Variants in RPSA2 observed in about 807,000 individuals in gnomAD.
RPSA2 encodes ribosomal protein SA 2, also known as small ribosomal subunit protein uS2B.
At chr19:23,863,973 G>A in the RPSA2 span, among the ~76,000 whole-genome samples, 1 of 152,068 alleles carries the variant, frequency 6.6e-6, no homozygotes, top group East Asian at 1.9e-4. Flanking sequence ...TCTACATCTG[G>A]GGCTGCTTAA....
chr19:23,827,544 G>C, the RPSA2 span: 2 of 1,596,418 alleles, frequency 1.3e-6, no homozygotes, highest in Non-Finnish European at 1.7e-6. Context: ...ACTGACCCCA[G>C]GGCTGACCAC....
the RPSA2 span, among the ~76,000 whole-genome samples, chr19:23,773,089 G>GTATA: frequency 1.2e-3 from 1 of 834 alleles, no homozygotes; most frequent in Admixed American, 0.014. Flanking sequence ...GTATGTGTGT[G>GTATA]TATATATATA....
the RPSA2 span, among the ~76,000 whole-genome samples, chr19:23,766,636 A>G: frequency 6.6e-6 from 1 of 151,382 alleles, no homozygotes; most frequent in African/African-American, 2.4e-5. Flanking sequence ...TTGTATATTT[A>G]GTAGAGACAG....
the RPSA2 span, among the ~76,000 whole-genome samples, chr19:23,862,988 C>T: frequency 4.7e-4 from 71 of 151,372 alleles, no homozygotes; most frequent in African/African-American, 1.6e-3. Flanking sequence ...ACTGCAGCCT[C>T]CACCTCCCAA....
chr19:23,845,894 A>G, the RPSA2 span, among the ~76,000 whole-genome samples: 1 of 152,096 alleles, frequency 6.6e-6, no homozygotes, highest in African/African-American at 2.4e-5. Context: ...TCAATTCATA[A>G]TTTTATTCTA....
chr19:23,842,908 C>G, the RPSA2 span, among the ~76,000 whole-genome samples: 1 of 152,040 alleles, frequency 6.6e-6, no homozygotes. Flanking sequence ...AATGATAATT[C>G]TAGAAATTCA....
the RPSA2 span, among the ~76,000 whole-genome samples, chr19:23,812,511 T>G: frequency 2.0e-5 from 3 of 151,140 alleles, no homozygotes; most frequent in Non-Finnish European, 2.9e-5. Flanking sequence ...TTCTCCTGCC[T>G]CAGCCTCCCA....
the RPSA2 span, chr19:23,832,177 A>T: frequency 7.1e-6 from 3 of 422,972 alleles, no homozygotes; most frequent in South Asian, 5.6e-5. Flanking sequence ...CCAGCCCTCA[A>T]CCCTAACTAG....
chr19:23,842,318 A>G, the RPSA2 span, among the ~76,000 whole-genome samples: 1 of 152,230 alleles, frequency 6.6e-6, no homozygotes, highest in South Asian at 2.1e-4. Context: ...ATGCCGTGTT[A>G]TTCAGAAAAC....
At chr19:23,838,628 T>C in the RPSA2 span, among the ~76,000 whole-genome samples, 1 of 152,164 alleles carries the variant, frequency 6.6e-6, no homozygotes, top group Admixed American at 6.5e-5. Context: ...ATTCTTCCTG[T>C]TTTAAGCTAG....
chr19:23,766,451 A>ATTT, the RPSA2 span, among the ~76,000 whole-genome samples: 75 of 102,706 alleles, frequency 7.3e-4, 1 homozygote, highest in African/African-American at 6.5e-4. Flanking sequence ...TCTCAAGCTA[A>ATTT]TTTTTTTTTT....
At chr19:23,834,721 A>G in the RPSA2 span, among the ~76,000 whole-genome samples, 3 of 152,078 alleles carry the variant, frequency 2.0e-5, no homozygotes, top group African/African-American at 7.2e-5. Flanking sequence ...TACTATCATG[A>G]ATCCATTGAA....
the RPSA2 span, among the ~76,000 whole-genome samples, chr19:23,852,176 C>T: frequency 6.6e-6 from 1 of 152,278 alleles, no homozygotes; most frequent in East Asian, 1.9e-4. Flanking sequence ...CCAATGAAGC[C>T]TCAGGGGTCA....
At chr19:23,764,354 T>C in the RPSA2 span, among the ~76,000 whole-genome samples, 1 of 152,240 alleles carries the variant, frequency 6.6e-6, no homozygotes, top group Non-Finnish European at 1.5e-5. Flanking sequence ...CAACTTCCTC[T>C]CTCCAATTTA....
At chr19:23,843,140 A>C in the RPSA2 span, 13 of 174,302 alleles carry the variant, frequency 7.5e-5, no homozygotes, top group Non-Finnish European at 1.5e-4. Flanking sequence ...GTAACTGGAG[A>C]ATCCCAACAA....
the RPSA2 span, among the ~76,000 whole-genome samples, chr19:23,839,152 T>C: frequency 2.0e-5 from 3 of 152,146 alleles, no homozygotes; most frequent in Non-Finnish European, 4.4e-5. Context: ...TGTCATTAAG[T>C]TGAAGAATTT....
the RPSA2 span, among the ~76,000 whole-genome samples, chr19:23,845,363 G>T: frequency 6.7e-6 from 1 of 150,360 alleles, no homozygotes; most frequent in African/African-American, 2.4e-5. Flanking sequence ...TAACATGTAA[G>T]CTTTCTACTT....
At chr19:23,845,396 A>G in the RPSA2 span, among the ~76,000 whole-genome samples, 8 of 151,898 alleles carry the variant, frequency 5.3e-5, no homozygotes, top group Admixed American at 6.5e-5. Context: ...CATTTAGGCT[A>G]TAAACTGCCC....
the RPSA2 span, among the ~76,000 whole-genome samples, chr19:23,866,753 C>A: frequency 1.3e-5 from 2 of 152,100 alleles, no homozygotes; most frequent in African/African-American, 2.4e-5. Context: ...CCAGGAACAC[C>A]AGGAAGTGCA....
Sources: allele counts gnomAD v4.1 joint callset (sites outside exome capture counted in the v4.1 genomes callset), GRCh38; gene constraint gnomAD v4.1.1; transcripts MANE v1.5; gene names NCBI Gene and HGNC (gene_info 2026-07-23, HGNC 2026-07-21).